SOHLH2: variants seen among roughly 807,000 people sequenced by gnomAD.
The protein encoded by SOHLH2 is spermatogenesis- and oogenesis-specific basic helix-loop-helix-containing protein 2.
In SOHLH2, 22 loss-of-function variants were observed where a neutral mutation model predicts 50.4. The observed-to-expected ratio is 0.44, with a 90% CI of 0.31 to 0.62. The LOEUF is 0.62. SOHLH2 is among the 20% of genes least tolerant of loss of function. The probability of loss-of-function intolerance (pLI) is 0.08; values close to 1 mark genes in which losing one functional copy is unlikely to be tolerated. For synonymous variants in SOHLH2, 185 were observed against 187.3 expected, an observed-to-expected ratio of 0.99 and a Z score of 0.10; for missense variants, 412 against 504.4, an observed-to-expected ratio of 0.82 and a Z score of 1.76.
At chr13:36,194,593 T>A (rs375980816) in intron 2 of SOHLH2, among the ~76,000 whole-genome samples, 6 of 152,210 alleles carry the variant, frequency 3.9e-5, no homozygotes, top group African/African-American at 1.4e-4. Context: ...CCCCTTTTAT[T>A]TCTTGAAATT....
In SOHLH2 at chr13:36,207,496, C is replaced by T. The variant is rs1009245594; in HGVS notation, c.49-5403G>A. ...GGGTATGGTGAGTTCTCATAAACATCTGACTCAGCTTCCCCAAATATTAAC... is the reference window on the plus strand; with the variant it reads ...GGGTATGGTGAGTTCTCATAAACATTTGACTCAGCTTCCCCAAATATTAAC... On this transcript the variant is annotated intron_variant, in intron 1 of 10. Coordinates refer to ENST00000379881, the MANE Select transcript of SOHLH2 (RefSeq NM_017826.3). 2.6e-5 allele frequency among the ~76,000 whole-genome samples: 4 copies of T among 152,140 alleles called. No homozygotes were observed. The East Asian group carries it at 7.7e-4, about 29-fold the overall frequency.
intron 9 of SOHLH2, among the ~76,000 whole-genome samples, chr13:36,172,184 A>T (rs1442122493): frequency 3.9e-5 from 6 of 152,218 alleles, no homozygotes; most frequent in Non-Finnish European, 8.8e-5. Context: ...TGGGGCATAG[A>T]AAGGCCTGAA....
At chr13:36,195,281 G>C (rs1187600924) in intron 2 of SOHLH2, among the ~76,000 whole-genome samples, 2 of 152,188 alleles carry the variant, frequency 1.3e-5, no homozygotes, top group East Asian at 3.9e-4. Context: ...GCTGGGGAGA[G>C]GGGGAGGGCA....
chr13:36,173,772 C>T lies in SOHLH2; in HGVS notation c.920G>A (p.Gly307Glu), dbSNP rs748136148. The change falls in exon 9 of 11, where the codon GGG becomes GAG. Residue 307 changes from glycine (G) to glutamate (E), a missense_variant. By Grantham distance (98) the Gly-to-Glu change is moderately conservative. Coordinates refer to ENST00000379881, the MANE Select transcript of SOHLH2 (RefSeq NM_017826.3). ...GCACGTATTAGTCAGGAATTGGAGC[C>T]CTCTCTCAGGGGAGTAAGTGCTCAT... is the stretch of plus-strand genomic sequence containing the variant. ...SVMSTYSPERGLQFLTNTCWN... is the reference protein window; with the variant it reads ...SVMSTYSPERELQFLTNTCWN... 8 of 1,613,904 alleles carry T rather than the reference C, an allele frequency of 5.0e-6. No homozygotes were observed. The Admixed American group carries it at 8.3e-5, about 17-fold the overall frequency.
chr13:36,193,582 T>G (rs1887638854), intron 4 of SOHLH2, 39 bp downstream of exon 4: 2 of 1,562,742 alleles, frequency 1.3e-6, no homozygotes, highest in Non-Finnish European at 1.7e-6. Context: ...TCAAAGATTT[T>G]AATTCAAATT....
Position 36,214,473 on chromosome 13 carries a change from T to C in SOHLH2, c.48+6A>G. The C allele has an allele frequency of 1.2e-6, 2 of 1,612,338 alleles. No homozygotes were observed. The highest frequency in any genetic ancestry group is 8.5e-7 in the Non-Finnish European group (1 of 1,179,322). ...CGCAGCTGCCTCCCCTTCCACAGCC[T>C]CTTACCTGGCCCGAGATCTGGCAGT... is the stretch of plus-strand genomic sequence containing the variant. On this transcript the variant is annotated splice_donor_region_variant and intron_variant, in intron 1 of 10. Transcript: ENST00000379881.
intron 6 of SOHLH2, among the ~76,000 whole-genome samples, chr13:36,187,606 C>G (rs551240822): frequency 3.3e-5 from 5 of 152,290 alleles, no homozygotes; most frequent in African/African-American, 1.2e-4. Flanking sequence ...CAAACCCCAT[C>G]ATCTTCCCAC....
At chr13:36,203,387 G>A (rs1322310406) in intron 1 of SOHLH2, among the ~76,000 whole-genome samples, 7 of 152,096 alleles carry the variant, frequency 4.6e-5, no homozygotes, top group African/African-American at 1.7e-4. Flanking sequence ...ATTATTTGTT[G>A]GGATCAGGGG....
rs184199073 is a variant in SOHLH2 at position 36,204,043 on chromosome 13, T to G, written c.49-1950A>C. Among the ~76,000 whole-genome samples the G allele has an allele frequency of 8.6e-3, 1,279 of 149,558 alleles. 24 individuals are homozygous for G. The highest frequency in any genetic ancestry group is 0.03 in the African/African-American group (1,228 of 40,676). On this transcript the variant is annotated intron_variant, in intron 1 of 10. Transcript: ENST00000379881. Reference sequence around the variant, plus strand: ...TCGGCTCACTGTAACCTCTGCCTCCTGGGTTCAAGAGATTCTCCTGCTTCA... The same window carrying G: ...TCGGCTCACTGTAACCTCTGCCTCCGGGGTTCAAGAGATTCTCCTGCTTCA...
intron 6 of SOHLH2, among the ~76,000 whole-genome samples, chr13:36,183,621 T>C (rs998254566): frequency 8.5e-5 from 13 of 152,108 alleles, no homozygotes; most frequent in Non-Finnish European, 1.6e-4. Flanking sequence ...AAGTATATTA[T>C]ATGAAAACGA....
chr13:36,211,181 T>C (rs916536869), intron 1 of SOHLH2, among the ~76,000 whole-genome samples: 2 of 152,224 alleles, frequency 1.3e-5, no homozygotes, highest in African/African-American at 4.8e-5. Flanking sequence ...GGCCATATAA[T>C]TGATCTTCCA....
Position 36,195,326 on chromosome 13 carries a change from A to G in SOHLH2, c.264-1459T>C, listed in dbSNP as rs374779692. 1.1e-3 allele frequency among the ~76,000 whole-genome samples: 162 copies of G among 152,290 alleles called. 1 individual carries two copies. The highest frequency in any genetic ancestry group is 3.7e-3 in the African/African-American group (154 of 41,572). The stretch of plus-strand genomic sequence containing the variant: ...TGTGCAGCACAGAACACTCTGGGCA[A>G]AAGGCACAGCATATGCAGGAGCCCT... On this transcript the variant is annotated intron_variant, in intron 2 of 10. Transcript: ENST00000379881.
chr13:36,181,951 G>T, intron 6 of SOHLH2: 1 of 760,332 alleles, frequency 1.3e-6, no homozygotes, highest in Non-Finnish European at 1.6e-6. Flanking sequence ...ATGGAAATAT[G>T]ATTTGCACAA....
chr13:36,192,659 C>G (rs574194350), intron 4 of SOHLH2, among the ~76,000 whole-genome samples: 11 of 152,046 alleles, frequency 7.2e-5, no homozygotes, highest in African/African-American at 2.4e-4. Context: ...ATTGACAATT[C>G]GAAATTGTAC....
chr13:36,205,859 T>G (rs1432223486), intron 1 of SOHLH2, among the ~76,000 whole-genome samples: 1 of 152,056 alleles, frequency 6.6e-6, no homozygotes, highest in East Asian at 1.9e-4. Context: ...GGATCTTACA[T>G]TTCATTTTAT....
intron 4 of SOHLH2, among the ~76,000 whole-genome samples, chr13:36,192,555 C>T (rs747546483): frequency 7.2e-5 from 11 of 152,096 alleles, no homozygotes; most frequent in Admixed American, 3.9e-4. Context: ...TAAAGTAAAT[C>T]TCATATAATC....
Position 36,174,569 on chromosome 13 carries a change from TA to T in SOHLH2, c.790-3del, listed in dbSNP as rs1388671646. 9 of 1,613,798 alleles carry T rather than the reference TA, an allele frequency of 5.6e-6. No individual in the cohort carries two copies. The highest frequency in any genetic ancestry group is 1.3e-5 in the African/African-American group (1 of 74,888). Reference sequence around the variant, plus strand: ...GTTGCTCTGAAGTGCTTCTGTAATCTAAAAAACACAGAAATATATTTAGGTA... The same window carrying T: ...GTTGCTCTGAAGTGCTTCTGTAATCTAAAAACACAGAAATATATTTAGGTA... On this transcript the variant is annotated splice_region_variant and splice_polypyrimidine_tract_variant and intron_variant, in intron 7 of 10. Coordinates refer to ENST00000379881, the MANE Select transcript of SOHLH2 (RefSeq NM_017826.3).
intron 2 of SOHLH2, among the ~76,000 whole-genome samples, chr13:36,197,276 T>C (rs1887761173): frequency 6.6e-6 from 1 of 152,202 alleles, no homozygotes; most frequent in African/African-American, 2.4e-5. Flanking sequence ...TGGATACTGA[T>C]ATTCTGGGTT....
At chr13:36,180,470 TTTTAAA>T (rs1336159222) in intron 6 of SOHLH2, among the ~76,000 whole-genome samples, 1 of 152,202 alleles carries the variant, frequency 6.6e-6, no homozygotes, top group Non-Finnish European at 1.5e-5. Flanking sequence ...CATTCTCTTT[TTTTAAA>T]TTTAAAGTTC....
Sources: gnomAD v4.1 joint callset for allele counts (sites outside exome capture counted in the v4.1 genomes callset) on GRCh38, gnomAD v4.1.1 for gene constraint, MANE v1.5 for transcripts, NCBI Gene and HGNC (gene_info 2026-07-23, HGNC 2026-07-21) for gene names.